Variants in AGBL4 observed in about 807,000 individuals in gnomAD.
The protein encoded by AGBL4 is AGBL carboxypeptidase 4, also known as cytosolic carboxypeptidase 6.
AGBL4 carries 58 observed loss-of-function variants against 66.4 expected under a neutral mutation model. The ratio of observed to expected loss-of-function variants is 0.87; its 90% CI spans 0.71 to 1.09. The LOEUF is 1.09. AGBL4 is among the 50% of genes least tolerant of loss of function. The pLI, the probability that AGBL4 is intolerant of heterozygous loss-of-function variation, is 0.00. For missense variants in AGBL4, 579 were observed against 631.0 expected (o/e 0.92, Z 0.88); for synonymous variants, 234 against 222.9 (o/e 1.05, Z -0.44).
Position 48,742,667 on chromosome 1 carries a change from C to T in AGBL4, c.635-79426G>A, listed in dbSNP as rs748499198. ...TACTTGTCCATGACAGGCGCAGGAGCGGGGTAATAGGACGACGTATTTGCT... is the reference window on the plus strand; with the variant it reads ...TACTTGTCCATGACAGGCGCAGGAGTGGGGTAATAGGACGACGTATTTGCT... On this transcript the variant is annotated intron_variant, in intron 6 of 13. Coordinates refer to ENST00000371839, the MANE Select transcript of AGBL4 (RefSeq NM_032785.4). 7.5e-6 allele frequency: 12 copies of T among 1,608,772 alleles called. No homozygotes were observed. Among genetic ancestry groups the T allele is most frequent in the South Asian group, 3.3e-5 (3 of 89,996 alleles).
In AGBL4 at chr1:49,275,857, A is replaced by G. The variant is rs1004725603; in HGVS notation, c.283-29993T>C. ...AAACTAAAGTTAAACAACTTGATAT[A>G]AACTTTGGGGAAAATCACCACAATA... On this transcript the variant is annotated intron_variant, in intron 3 of 13. Transcript: ENST00000371839. Among the ~76,000 whole-genome samples, 8 of 152,260 alleles carry G rather than the reference A, an allele frequency of 5.3e-5. No individual in the cohort carries two copies. The East Asian group carries it at 9.7e-4, about 18-fold the overall frequency.
chr1:49,189,371 T>A (rs1647073205), intron 4 of AGBL4, among the ~76,000 whole-genome samples: 1 of 152,154 alleles, frequency 6.6e-6, no homozygotes. Flanking sequence ...AGTGAATGAA[T>A]AAAAGAATGA....
chr1:49,232,473 C>T (rs1475478480), intron 4 of AGBL4, among the ~76,000 whole-genome samples: 2 of 151,810 alleles, frequency 1.3e-5, no homozygotes, highest in African/African-American at 4.8e-5. Context: ...CTGAGGTGGG[C>T]GGATCTTGAC....
intron 3 of AGBL4, among the ~76,000 whole-genome samples, chr1:49,663,929 G>C (rs1457454385): frequency 6.6e-6 from 1 of 151,980 alleles, no homozygotes; most frequent in Non-Finnish European, 1.5e-5. Context: ...TGAAGCAACA[G>C]AGAGGATATG....
intron 11 of AGBL4, among the ~76,000 whole-genome samples, chr1:48,578,991 TA>T (rs1186702379): frequency 6.6e-6 from 1 of 152,142 alleles, no homozygotes. Flanking sequence ...TGTGACTTTA[TA>T]GTACCTCGTA....
intron 6 of AGBL4, among the ~76,000 whole-genome samples, chr1:48,767,715 C>T (rs1383361110): frequency 1.3e-5 from 2 of 152,218 alleles, no homozygotes; most frequent in African/African-American, 4.8e-5. Context: ...ACTACTCTAA[C>T]CTTGAGGCCA....
chr1:49,765,635 C>CA (rs1318631428), intron 2 of AGBL4, among the ~76,000 whole-genome samples: 1 of 151,626 alleles, frequency 6.6e-6, no homozygotes, highest in Non-Finnish European at 1.5e-5. Context: ...ATAAAGAATT[C>CA]AAAACATGGA....
chr1:49,323,041 A>G (rs1645158391), intron 3 of AGBL4, among the ~76,000 whole-genome samples: 1 of 152,228 alleles, frequency 6.6e-6, no homozygotes, highest in African/African-American at 2.4e-5. Flanking sequence ...AAAATTAATT[A>G]CAGTTTGTTG....
chr1:49,875,190 T>A (rs927095181), intron 1 of AGBL4, among the ~76,000 whole-genome samples: 3 of 150,176 alleles, frequency 2.0e-5, no homozygotes, highest in African/African-American at 7.4e-5. Context: ...AGTTTTAGGG[T>A]ACATGTGCAC....
chr1:48,587,488 C>T (rs776368253), intron 10 of AGBL4, among the ~76,000 whole-genome samples: 1 of 151,692 alleles, frequency 6.6e-6, no homozygotes, highest in Non-Finnish European at 1.5e-5. Context: ...TGGAGCCTGG[C>T]ATGGTGGTGT....
rs577669238 is a variant in AGBL4, at chr1:49,443,928, C to A, written c.283-198064G>T. The stretch of plus-strand genomic sequence containing the variant: ...ACTATAAACTTCACTCTTAGCACTG[C>A]TCTTGCTCTATTCCACAGGTTTTCT... On this transcript the variant is annotated intron_variant, in intron 3 of 13. Transcript: ENST00000371839. Among the ~76,000 whole-genome samples the A allele has an allele frequency of 3.9e-5, 6 of 151,914 alleles. No homozygotes were observed. In the South Asian group the frequency reaches 1.2e-3, roughly 32 times the overall value.
chr1:49,595,382 C>T (rs1644832917), intron 3 of AGBL4, among the ~76,000 whole-genome samples: 1 of 152,082 alleles, frequency 6.6e-6, no homozygotes, highest in Non-Finnish European at 1.5e-5. Flanking sequence ...AGCCACTGCA[C>T]CTGGCCTCAT....
intron 6 of AGBL4, among the ~76,000 whole-genome samples, chr1:48,722,781 T>C (rs902396118): frequency 6.6e-6 from 1 of 152,160 alleles, no homozygotes; most frequent in Non-Finnish European, 1.5e-5. Flanking sequence ...AGAGGTGACA[T>C]CTTGCTGACC....
intron 6 of AGBL4, chr1:48,761,106 T>C: frequency 2.0e-6 from 1 of 494,958 alleles, no homozygotes; most frequent in African/African-American, 1.9e-5. Context: ...GCACAGACTG[T>C]GCAAACAGGA....
intron 3 of AGBL4, among the ~76,000 whole-genome samples, chr1:49,254,875 T>C (rs1433093045): frequency 2.0e-5 from 3 of 152,122 alleles, no homozygotes; most frequent in African/African-American, 7.2e-5. Context: ...CCTAAAACTA[T>C]GATCTTCAAC....
chr1:48,755,535 A>G (rs1455400353), intron 6 of AGBL4, among the ~76,000 whole-genome samples: 5 of 152,214 alleles, frequency 3.3e-5, no homozygotes, highest in Non-Finnish European at 7.3e-5. Flanking sequence ...AGAACGGCAA[A>G]GCCTGGGCCC....
chr1:48,663,323 G>T (rs1646137221), intron 6 of AGBL4, 82 bp from the exon 7 acceptor site: 1 of 1,293,248 alleles, frequency 7.7e-7, no homozygotes, highest in Non-Finnish European at 1.1e-6. Flanking sequence ...GGGAACCCCA[G>T]AGGGAATGGG....
At chr1:49,782,399 A>C (rs1644357470) in intron 2 of AGBL4, among the ~76,000 whole-genome samples, 1 of 152,218 alleles carries the variant, frequency 6.6e-6, no homozygotes, top group Admixed American at 6.5e-5. Flanking sequence ...AACTATCAAA[A>C]CAGACTCAAG....
intron 4 of AGBL4, among the ~76,000 whole-genome samples, chr1:49,123,993 A>T (rs984130409): frequency 4.5e-4 from 68 of 152,198 alleles, no homozygotes; most frequent in African/African-American, 1.6e-3. Flanking sequence ...AGATGTACTG[A>T]TAGAAGATAG....
Sources: gnomAD v4.1 joint callset for allele counts (sites outside exome capture counted in the v4.1 genomes callset) on GRCh38, gnomAD v4.1.1 for gene constraint, MANE v1.5 for transcripts, NCBI Gene and HGNC (gene_info 2026-07-23, HGNC 2026-07-21) for gene names.